The following ACTR3 variants were observed in gnomAD, a reference collection of about 807,000 sequenced individuals.
ACTR3 encodes actin-related protein 3.
ACTR3 carries 12 observed loss-of-function variants against 56.8 expected under a neutral mutation model. The ratio of observed to expected loss-of-function variants is 0.21; its 90% CI spans 0.14 to 0.34. The LOEUF (loss-of-function observed/expected upper bound fraction) is 0.34, where lower values mean the gene tolerates loss of function less well. Ranked by LOEUF, ACTR3 falls within the 10% of genes least tolerant of loss-of-function variation. The pLI, the probability that ACTR3 is intolerant of heterozygous loss-of-function variation, is 1.00. For missense variants in ACTR3, 282 were observed against 512.5 expected (o/e 0.55, Z 4.34); for synonymous variants, 162 against 167.4 (o/e 0.97, Z 0.25).
At chr2:113,924,765 C>A (rs1679585368) in intron 3 of ACTR3, among the ~76,000 whole-genome samples, 1 of 151,816 alleles carries the variant, frequency 6.6e-6, no homozygotes, top group South Asian at 2.1e-4. Flanking sequence ...TCCTCCATAC[C>A]TCTCATTCCC....
At chr2:113,940,414 C>T (rs1290777626) in intron 7 of ACTR3, among the ~76,000 whole-genome samples, 1 of 151,924 alleles carries the variant, frequency 6.6e-6, no homozygotes, top group Non-Finnish European at 1.5e-5. Context: ...ACTATAAAGT[C>T]CTTGCATCTC....
At chr2:113,927,201 C>A in intron 3 of ACTR3, 144 bp from the exon 4 acceptor site, 1 of 478,192 alleles carries the variant, frequency 2.1e-6, no homozygotes, top group Middle Eastern at 5.7e-4. Context: ...AAGTACACAT[C>A]TTTTAAGGAT....
In ACTR3 at chr2:113,961,704, G is replaced by C. The variant is rs995555651; in HGVS notation, c.*4249G>C. 4.0e-5 allele frequency: 6 copies of C among 151,850 alleles called. No homozygotes were observed. Among genetic ancestry groups the C allele is most frequent in the Non-Finnish European group, 7.4e-5 (5 of 67,826 alleles). The allele number at this position is 151,850 out of a possible 1,614,324, so 9.4% of individuals were successfully genotyped here. A position where few individuals can be genotyped will look rare whatever the true frequency, so the allele number is the denominator to read the frequency against. The stretch of plus-strand genomic sequence containing the variant: ...AAGATGAATAAATATTCTGTCCTTG[G>C]CTTAGTCTAATAGTAAAGGCACTCT... On this transcript the variant is annotated 3_prime_UTR_variant, in exon 12 of 12. Coordinates refer to ENST00000263238, the MANE Select transcript of ACTR3 (RefSeq NM_005721.5).
chr2:113,911,542 C>A (rs1046989306), intron 1 of ACTR3, among the ~76,000 whole-genome samples: 12 of 151,172 alleles, frequency 7.9e-5, no homozygotes, highest in African/African-American at 2.9e-4. Flanking sequence ...GCCTCACTCT[C>A]CTGAGTAGCT....
chr2:113,910,575 C>G (rs1679289571), intron 1 of ACTR3, among the ~76,000 whole-genome samples: 1 of 152,112 alleles, frequency 6.6e-6, no homozygotes. Flanking sequence ...AGCCTTCAAC[C>G]TGTGGATTCT....
In ACTR3 at chr2:113,939,582, A is replaced by G. The variant is rs543038054; in HGVS notation, c.541-377A>G. On this transcript the variant is annotated intron_variant, in intron 6 of 11. Transcript: ENST00000263238. Reference sequence around the variant, plus strand: ...AATGGATACATACTTGATTAGGAAAATGATAAGCACTTTGTCACATTTCTT... The same window carrying G: ...AATGGATACATACTTGATTAGGAAAGTGATAAGCACTTTGTCACATTTCTT... Among the ~76,000 whole-genome samples the G allele has an allele frequency of 5.0e-4, 76 of 152,376 alleles. 1 individual carries two copies. The Middle Eastern group carries it at 0.014, about 27-fold the overall frequency.
intron 1 of ACTR3, among the ~76,000 whole-genome samples, chr2:113,902,651 G>A (rs1384977170): frequency 6.6e-6 from 1 of 151,770 alleles, no homozygotes; most frequent in Non-Finnish European, 1.5e-5. Context: ...TCAGGCTGGA[G>A]TGCAGTGACG....
intron 8 of ACTR3, among the ~76,000 whole-genome samples, chr2:113,948,784 G>T (rs1179292653): frequency 6.6e-6 from 1 of 151,764 alleles, no homozygotes; most frequent in Non-Finnish European, 1.5e-5. Context: ...CTCTTCTCAG[G>T]ATATTCAGAT....
chr2:113,921,603 G>A lies in ACTR3; in HGVS notation c.225+4595G>A, dbSNP rs184809614. The stretch of plus-strand genomic sequence containing the variant: ...TCTTCTAGTACTTTTATAGTTTTGG[G>A]TCTTAGATTTAAATCTTTAATTCAT... On this transcript the variant is annotated intron_variant, in intron 3 of 11. Transcript: ENST00000263238. 1.9e-4 allele frequency among the ~76,000 whole-genome samples: 29 copies of A among 152,226 alleles called. No individual in the cohort carries two copies. In the East Asian group the frequency reaches 5.0e-3, roughly 26 times the overall value.
intron 10 of ACTR3, chr2:113,955,073 T>G (rs1227958297): frequency 6.6e-6 from 1 of 152,194 alleles, no homozygotes; most frequent in Non-Finnish European, 1.5e-5. Context: ...TGCTTAATCC[T>G]GGAATATGTA....
At chr2:113,894,153 G>A (rs1386718090) in intron 1 of ACTR3, among the ~76,000 whole-genome samples, 1 of 151,420 alleles carries the variant, frequency 6.6e-6, no homozygotes, top group African/African-American at 2.4e-5. Context: ...GCAGTGGCAT[G>A]ATCTTGGCTC....
chr2:113,957,989 C>G lies in ACTR3; in HGVS notation c.*534C>G, dbSNP rs912980122. On this transcript the variant is annotated 3_prime_UTR_variant, in exon 12 of 12. Coordinates refer to ENST00000263238, the MANE Select transcript of ACTR3 (RefSeq NM_005721.5). ...CCAGTTATTATGGAGTGCTTCCATC[C>G]CTCTCCACCCCTTCCCCCCAAAAGG... is the stretch of plus-strand genomic sequence containing the variant. The G allele has an allele frequency of 6.6e-6, 1 of 152,472 alleles. No homozygotes were observed. Among genetic ancestry groups the G allele is most frequent in the Non-Finnish European group, 1.5e-5 (1 of 68,110 alleles). 9.4% of individuals were successfully genotyped at this position (152,472 alleles called of 1,614,324 possible). A position where few individuals can be genotyped will look rare whatever the true frequency, so the allele number is the denominator to read the frequency against.
chr2:113,912,496 A>C (rs1679326288), intron 1 of ACTR3, among the ~76,000 whole-genome samples: 1 of 152,170 alleles, frequency 6.6e-6, no homozygotes, highest in African/African-American at 2.4e-5. Context: ...ATTAAATCTT[A>C]TATTTATTTT....
intron 1 of ACTR3, among the ~76,000 whole-genome samples, chr2:113,911,113 A>C (rs756970813): frequency 6.6e-6 from 1 of 152,162 alleles, no homozygotes; most frequent in African/African-American, 2.4e-5. Context: ...AGAGCATCTA[A>C]TGTAGTAGGA....
chr2:113,927,538 T>A (rs1679643917), intron 4 of ACTR3, 83 bp downstream of exon 4: 2 of 892,570 alleles, frequency 2.2e-6, no homozygotes, highest in Admixed American at 2.5e-5. Context: ...TTTGGTATAC[T>A]TTGGTTATTA....
chr2:113,907,366 C>T (rs1423097309), intron 1 of ACTR3, among the ~76,000 whole-genome samples: 1 of 152,130 alleles, frequency 6.6e-6, no homozygotes, highest in African/African-American at 2.4e-5. Flanking sequence ...AAGTCATCCT[C>T]CCTGCCTCCC....
At chr2:113,889,945 T>A (rs2104573361), upstream of ACTR3, 1 of 525,906 alleles carries the variant, frequency 1.9e-6, no homozygotes, top group Middle Eastern at 4.9e-4. Flanking sequence ...GGCCGGGGCG[T>A]CGGCACCGGC....
chr2:113,924,404 C>G (rs1679578810), intron 3 of ACTR3, among the ~76,000 whole-genome samples: 1 of 152,030 alleles, frequency 6.6e-6, no homozygotes, highest in East Asian at 1.9e-4. Context: ...ACTGAGAAAT[C>G]TTCAATGTGG....
chr2:113,937,026 A>G (rs1679840491), intron 6 of ACTR3, among the ~76,000 whole-genome samples: 3 of 152,272 alleles, frequency 2.0e-5, no homozygotes, highest in African/African-American at 7.2e-5. Context: ...TCACGTTCTG[A>G]GATAGAGCTT....
Sources: gnomAD v4.1 joint callset for allele counts (sites outside exome capture counted in the v4.1 genomes callset) on GRCh38, gnomAD v4.1.1 for gene constraint, MANE v1.5 for transcripts, NCBI Gene and HGNC (gene_info 2026-07-23, HGNC 2026-07-21) for gene names.